The following KCNIP4 variants were observed in gnomAD, a reference collection of about 807,000 sequenced individuals.
The protein encoded by KCNIP4 is Kv channel-interacting protein 4.
KCNIP4 carries 12 observed loss-of-function variants against 34.0 expected under a neutral mutation model. The ratio of observed to expected loss-of-function variants is 0.35; its 90% CI spans 0.23 to 0.57. The LOEUF is 0.57. Among genes scored for constraint, KCNIP4 ranks in the 20% least tolerant of loss-of-function variants. The pLI, the probability that KCNIP4 is intolerant of heterozygous loss-of-function variation, is 0.83. For missense variants in KCNIP4, 238 were observed against 311.7 expected (o/e 0.76, Z 1.78); for synonymous variants, 124 against 102.2 (o/e 1.21, Z -1.29).
chr4:21,345,301 C>A (rs1342798229), intron 1 of KCNIP4, among the ~76,000 whole-genome samples: 1 of 152,078 alleles, frequency 6.6e-6, no homozygotes, highest in Admixed American at 6.6e-5. Flanking sequence ...TGGATCTTCC[C>A]CTCACTCAAG....
In KCNIP4 at chr4:21,176,757, G is replaced by A. The variant is rs779521161; in HGVS notation, c.62-294048C>T. ...GCTCCTCTCGAACTCCTGACCTTGGGTGACCCACCCACCTCGGCCTCCCAA... is the reference window on the plus strand; with the variant it reads ...GCTCCTCTCGAACTCCTGACCTTGGATGACCCACCCACCTCGGCCTCCCAA... On this transcript the variant is annotated intron_variant, in intron 1 of 8. Coordinates refer to ENST00000382152, the MANE Select transcript of KCNIP4 (RefSeq NM_025221.6). Among the ~76,000 whole-genome samples the A allele has an allele frequency of 8.1e-4, 124 of 152,232 alleles. 1 individual carries two copies. Among genetic ancestry groups the A allele is most frequent in the Non-Finnish European group, 9.1e-4 (62 of 68,014 alleles).
intron 1 of KCNIP4, among the ~76,000 whole-genome samples, chr4:21,268,611 G>A (rs1358506221): frequency 1.3e-5 from 2 of 152,338 alleles, no homozygotes; most frequent in East Asian, 1.9e-4. Context: ...AGGAGACAGT[G>A]TTGCTTTCTG....
At chr4:21,811,134 C>T (rs1257673058) in intron 1 of KCNIP4, among the ~76,000 whole-genome samples, 1 of 152,248 alleles carries the variant, frequency 6.6e-6, no homozygotes, top group Non-Finnish European at 1.5e-5. Context: ...GCAAAAGTAA[C>T]ACAAATGAGA....
chr4:20,821,273 G>A (rs1286025693), intron 3 of KCNIP4, among the ~76,000 whole-genome samples: 2 of 152,182 alleles, frequency 1.3e-5, no homozygotes, highest in Non-Finnish European at 2.9e-5. Context: ...ATTTACTTGT[G>A]AATTATTACC....
intron 1 of KCNIP4, among the ~76,000 whole-genome samples, chr4:21,087,219 C>G (rs1398098643): frequency 6.0e-5 from 9 of 150,234 alleles, no homozygotes; most frequent in Non-Finnish European, 1.2e-4. Flanking sequence ...CTCTGCCACC[C>G]AGGCTGGAGT....
intron 3 of KCNIP4, among the ~76,000 whole-genome samples, chr4:20,832,134 A>G (rs1718500626): frequency 6.6e-6 from 1 of 152,210 alleles, no homozygotes; most frequent in African/African-American, 2.4e-5. Flanking sequence ...AGCTGCAGAA[A>G]TTATGCTATT....
chr4:21,815,137 C>T (rs1188930319), intron 1 of KCNIP4, among the ~76,000 whole-genome samples: 1 of 152,134 alleles, frequency 6.6e-6, no homozygotes, highest in African/African-American at 2.4e-5. Flanking sequence ...TTAAGGTGGA[C>T]TCTAAAACCA....
chr4:21,045,616 C>A (rs1326985852), intron 1 of KCNIP4, among the ~76,000 whole-genome samples: 3 of 152,082 alleles, frequency 2.0e-5, no homozygotes, highest in African/African-American at 4.8e-5. Flanking sequence ...GAACGTAGAT[C>A]GTGTAGAAAT....
chr4:21,250,005 G>A (rs1425908069), intron 1 of KCNIP4, among the ~76,000 whole-genome samples: 1 of 151,968 alleles, frequency 6.6e-6, no homozygotes, highest in Non-Finnish European at 1.5e-5. Flanking sequence ...TCAGAATGGT[G>A]ATTTCTTGAT....
intron 1 of KCNIP4, among the ~76,000 whole-genome samples, chr4:21,763,846 T>C (rs1718218855): frequency 6.6e-6 from 1 of 152,092 alleles, no homozygotes; most frequent in South Asian, 2.1e-4. Flanking sequence ...TTATCTGAAA[T>C]TGTAAAAATT....
At chr4:21,299,034 T>G (rs908460239) in intron 1 of KCNIP4, among the ~76,000 whole-genome samples, 2 of 152,100 alleles carry the variant, frequency 1.3e-5, no homozygotes, top group African/African-American at 4.8e-5. Flanking sequence ...TGATCCAAAT[T>G]CAGTGGACTC....
At chr4:20,978,709 A>G (rs1735727391) in intron 1 of KCNIP4, among the ~76,000 whole-genome samples, 1 of 151,986 alleles carries the variant, frequency 6.6e-6, no homozygotes, top group South Asian at 2.1e-4. Context: ...CATCTCCTCT[A>G]CTTGGACTTA....
At chr4:21,067,385 A>G (rs955057956) in intron 1 of KCNIP4, among the ~76,000 whole-genome samples, 1 of 151,962 alleles carries the variant, frequency 6.6e-6, no homozygotes, top group Non-Finnish European at 1.5e-5. Context: ...AGGAAAGAGT[A>G]AAGGGGATTT....
At chr4:21,677,981 A>T (rs1322143860) in intron 1 of KCNIP4, among the ~76,000 whole-genome samples, 2 of 152,094 alleles carry the variant, frequency 1.3e-5, no homozygotes, top group Non-Finnish European at 2.9e-5. Context: ...TGAACTCCTG[A>T]CCTCAGGTGA....
chr4:20,844,449 C>T (rs1720122636), intron 3 of KCNIP4, among the ~76,000 whole-genome samples: 1 of 152,144 alleles, frequency 6.6e-6, no homozygotes, highest in Non-Finnish European at 1.5e-5. Context: ...CTTCATGGTT[C>T]AAAGAGAAGA....
chr4:21,125,598 G>C (rs1186563984), intron 1 of KCNIP4, among the ~76,000 whole-genome samples: 1 of 152,128 alleles, frequency 6.6e-6, no homozygotes, highest in African/African-American at 2.4e-5. Flanking sequence ...TAGAGCAATT[G>C]CATTTCCAAC....
intron 1 of KCNIP4, among the ~76,000 whole-genome samples, chr4:21,054,316 C>A (rs181779410): frequency 6.6e-6 from 1 of 151,858 alleles, no homozygotes; most frequent in African/African-American, 2.4e-5. Context: ...GTCAGGAGTT[C>A]GAGATCAGCC....
At chr4:20,768,827 A>C (rs1211498250) in intron 3 of KCNIP4, among the ~76,000 whole-genome samples, 1 of 152,182 alleles carries the variant, frequency 6.6e-6, no homozygotes, top group Non-Finnish European at 1.5e-5. Flanking sequence ...TAGGCACTGC[A>C]GATTAAAAAA....
At chr4:20,832,428 GAAATT>G (rs1718534529) in intron 3 of KCNIP4, among the ~76,000 whole-genome samples, 1 of 152,128 alleles carries the variant, frequency 6.6e-6, no homozygotes. Flanking sequence ...TGACTTCTGA[GAAATT>G]AAAGACAAAC....
Sources: gnomAD v4.1 joint callset for allele counts (sites outside exome capture counted in the v4.1 genomes callset) on GRCh38, gnomAD v4.1.1 for gene constraint, MANE v1.5 for transcripts, NCBI Gene and HGNC (gene_info 2026-07-23, HGNC 2026-07-21) for gene names.